The following LARGE1 variants were observed in gnomAD, a reference collection of about 807,000 sequenced individuals.
LARGE1 encodes the protein LARGE xylosyl- and glucuronyltransferase 1, also known as xylosyl- and glucuronyltransferase LARGE1.
A neutral mutation model predicts 87.6 loss-of-function variants in LARGE1; 43 were observed. The observed-to-expected ratio is 0.49, with a 90% CI of 0.38 to 0.63. LARGE1 has a LOEUF of 0.63. Among genes scored for constraint, LARGE1 ranks in the 30% least tolerant of loss-of-function variants. The pLI is 0.00. For synonymous variants in LARGE1, 434 were observed against 394.6 expected (o/e 1.10, Z -1.18); for missense variants, 802 against 1,000.2 (o/e 0.80, Z 2.67).
chr22:33,332,613 T>C (rs1380286255), intron 10 of LARGE1, among the ~76,000 whole-genome samples: 6 of 152,304 alleles, frequency 3.9e-5, no homozygotes, highest in Admixed American at 6.5e-5. Flanking sequence ...TGTGCACTTA[T>C]CACAGCTCTA....
intron 11 of LARGE1, among the ~76,000 whole-genome samples, chr22:33,252,251 TCC>T (rs34458283): frequency 0.099 from 10,998 of 111,464 alleles, 1,387 homozygotes; most frequent in African/African-American, 0.29. Context: ...ATTCCTTCAT[TCC>T]CCCCCCCCCC....
intron 5 of LARGE1, among the ~76,000 whole-genome samples, chr22:33,589,417 TTAA>T (rs1422948305): frequency 6.6e-6 from 1 of 152,238 alleles, no homozygotes; most frequent in East Asian, 1.9e-4. Flanking sequence ...GTTCTGTTTA[TTAA>T]TATTTCCTCC....
the LARGE1 span, among the ~76,000 whole-genome samples, chr22:33,093,510 T>G: frequency 5.9e-5 from 9 of 152,122 alleles, no homozygotes; most frequent in Non-Finnish European, 7.4e-5. Flanking sequence ...TAAACGTAAA[T>G]GGACCCAGGA....
intron 1 of LARGE1, among the ~76,000 whole-genome samples, chr22:33,872,539 C>T (rs938215037): frequency 6.6e-6 from 1 of 152,116 alleles, no homozygotes; most frequent in Non-Finnish European, 1.5e-5. Context: ...CAGCGACACA[C>T]TAGCTGTGGA....
chr22:33,104,889 C>CTCTTTCTTTCTTTCTTTCTTTCTT, the LARGE1 span, among the ~76,000 whole-genome samples: 2 of 89,148 alleles, frequency 2.2e-5, no homozygotes, highest in African/African-American at 6.8e-5. Context: ...GACTTTCTCT[C>CTCTTTCTTTCTTTCTTTCTTTCTT]TCTTTCTTTC....
chr22:33,698,182 C>G (rs1300368707), intron 2 of LARGE1, among the ~76,000 whole-genome samples: 1 of 152,106 alleles, frequency 6.6e-6, no homozygotes, highest in Non-Finnish European at 1.5e-5. Context: ...AAGTGATTCT[C>G]TTGCCTCAGG....
chr22:33,857,522 G>C (rs2063789783), intron 1 of LARGE1, among the ~76,000 whole-genome samples: 1 of 152,220 alleles, frequency 6.6e-6, no homozygotes, highest in Non-Finnish European at 1.5e-5. Context: ...TCTTATAGTT[G>C]TTTATCGGTA....
chr22:33,727,748 C>T (rs1310704595), intron 2 of LARGE1: 1 of 152,240 alleles, frequency 6.6e-6, no homozygotes, highest in Non-Finnish European at 1.5e-5. Flanking sequence ...AATATACTGG[C>T]TGATAAGGCT....
chr22:33,766,952 AT>A, intron 1 of LARGE1, among the ~76,000 whole-genome samples: 1 of 36,058 alleles, frequency 2.8e-5, no homozygotes, highest in African/African-American at 8.4e-5. Flanking sequence ...ATATATATAT[AT>A]ATATATATAT....
At chr22:33,618,739 C>G (rs2079652725) in intron 4 of LARGE1, among the ~76,000 whole-genome samples, 1 of 152,208 alleles carries the variant, frequency 6.6e-6, no homozygotes, top group Non-Finnish European at 1.5e-5. Flanking sequence ...CAGAAAGGAA[C>G]AGGTCCCCAG....
chr22:33,291,950 C>T (rs918708955), intron 12 of LARGE1, among the ~76,000 whole-genome samples: 2 of 152,092 alleles, frequency 1.3e-5, no homozygotes, highest in Admixed American at 6.5e-5. Context: ...AAAAATTAGC[C>T]AGGCATGGTG....
chr22:33,645,456 A>C (rs1204425413), intron 3 of LARGE1, among the ~76,000 whole-genome samples: 1 of 152,236 alleles, frequency 6.6e-6, no homozygotes, highest in African/African-American at 2.4e-5. Context: ...GATGGATTAA[A>C]GACTTAAACA....
At chr22:33,858,373 T>C (rs1299430197) in intron 1 of LARGE1, among the ~76,000 whole-genome samples, 3 of 152,178 alleles carry the variant, frequency 2.0e-5, no homozygotes, top group Non-Finnish European at 4.4e-5. Context: ...GTTGCAAGAT[T>C]TAACAGAGTG....
intron 10 of LARGE1, among the ~76,000 whole-genome samples, chr22:33,318,354 T>C (rs922459863): frequency 6.6e-6 from 1 of 152,154 alleles, no homozygotes; most frequent in Non-Finnish European, 1.5e-5. Flanking sequence ...AGTGAGAACA[T>C]GCGGTGTTTG....
chr22:33,760,568 A>T (rs2084688532), intron 2 of LARGE1, among the ~76,000 whole-genome samples: 1 of 152,172 alleles, frequency 6.6e-6, no homozygotes, highest in Non-Finnish European at 1.5e-5. Flanking sequence ...CTATCCTGTG[A>T]ATCTCCAGAT....
chr22:33,086,983 A>G, the LARGE1 span, among the ~76,000 whole-genome samples: 3 of 152,190 alleles, frequency 2.0e-5, no homozygotes, highest in African/African-American at 4.8e-5. Flanking sequence ...TTAATTTTTC[A>G]GGAGGAACTT....
downstream of LARGE1, among the ~76,000 whole-genome samples, chr22:33,271,170 C>A: frequency 6.6e-6 from 1 of 152,206 alleles, no homozygotes; most frequent in East Asian, 1.9e-4. Flanking sequence ...AGGAAGAAGA[C>A]TAGAAATCCA....
intron 6 of LARGE1, among the ~76,000 whole-genome samples, chr22:33,525,369 G>C (rs1192220143): frequency 6.6e-6 from 1 of 152,194 alleles, no homozygotes; most frequent in Non-Finnish European, 1.5e-5. Flanking sequence ...GAAGAAATTG[G>C]AGGTATTCAG....
intron 2 of LARGE1, among the ~76,000 whole-genome samples, chr22:33,722,205 A>G (rs942228693): frequency 9.3e-5 from 14 of 150,964 alleles, no homozygotes; most frequent in Non-Finnish European, 5.9e-5. Context: ...ATGAGCCGAG[A>G]TCACGCCACT....
Sources: gnomAD v4.1 joint callset for allele counts (sites outside exome capture counted in the v4.1 genomes callset) on GRCh38, gnomAD v4.1.1 for gene constraint, MANE v1.5 for transcripts, NCBI Gene and HGNC (gene_info 2026-07-23, HGNC 2026-07-21) for gene names.